The following PRSS48 variants were observed in gnomAD, a reference collection of about 807,000 sequenced individuals.
PRSS48 encodes serine protease 48.
PRSS48 carries 21 observed loss-of-function variants against 25.6 expected under a neutral mutation model. That is an observed-to-expected ratio of 0.82 (90% CI 0.58 to 1.18). PRSS48 has a LOEUF of 1.18. Ranked by LOEUF, PRSS48 falls within the 50% of genes most tolerant of loss-of-function variation. PRSS48 has a pLI of 0.00. For synonymous variants in PRSS48, 150 were observed against 149.3 expected (o/e 1.00, Z -0.04); for missense variants, 373 against 399.3 (o/e 0.93, Z 0.56).
chr4:151,289,090 T>C (rs1049165160), intron 4 of PRSS48, among the ~76,000 whole-genome samples: 2 of 152,250 alleles, frequency 1.3e-5, no homozygotes, highest in African/African-American at 2.4e-5. Flanking sequence ...CTTATATTTA[T>C]GGTCAATTAT....
chr4:151,280,934 A>G (rs908410756), intron 2 of PRSS48, among the ~76,000 whole-genome samples: 2 of 152,252 alleles, frequency 1.3e-5, no homozygotes, highest in Admixed American at 1.3e-4. Context: ...ACATTTTCAC[A>G]TACACAAAGC....
chr4:151,287,667 G>A (rs1774944305), intron 4 of PRSS48, among the ~76,000 whole-genome samples: 1 of 152,178 alleles, frequency 6.6e-6, no homozygotes. Context: ...GGCCAAGACG[G>A]GAGGATCACT....
At position 151,290,150 on chromosome 4, in the gene PRSS48, A is replaced by G. The variant is rs867529824; in HGVS notation, c.652-968A>G. On this transcript the variant is annotated intron_variant, in intron 4 of 4. Transcript: ENST00000455694. ...TGTTTTGAAGAGACAGGGTTCCACT[A>G]GGTTGCCCAGGTTGGTCTCAAATGC... is the stretch of plus-strand genomic sequence containing the variant. Among the ~76,000 whole-genome samples the G allele has an allele frequency of 3.9e-5, 6 of 152,306 alleles. No homozygotes were observed. The South Asian group carries it at 1.0e-3, about 26-fold the overall frequency.
At chr4:151,283,572 C>T (rs956823772) in intron 4 of PRSS48, among the ~76,000 whole-genome samples, 4 of 143,956 alleles carry the variant, frequency 2.8e-5, no homozygotes, top group African/African-American at 1.0e-4. Flanking sequence ...GGCTTGAGTA[C>T]AGTGGCATGA....
At chr4:151,285,991 T>C (rs146863944) in intron 4 of PRSS48, among the ~76,000 whole-genome samples, 40 of 148,968 alleles carry the variant, frequency 2.7e-4, no homozygotes, top group Middle Eastern at 3.4e-3. Flanking sequence ...AGCCCAGGAG[T>C]TCGAGACCAG....
chr4:151,283,452 G>A (rs2407168), intron 4 of PRSS48, among the ~76,000 whole-genome samples, 166 bp downstream of exon 4: 131,557 of 151,072 alleles, frequency 0.87, 58,134 homozygotes, highest in Non-Finnish European at 0.96. Context: ...TGTGAAATCA[G>A]TTTCTTCAAC....
intron 4 of PRSS48, among the ~76,000 whole-genome samples, chr4:151,285,179 G>A (rs2150012089): frequency 6.6e-6 from 1 of 152,288 alleles, no homozygotes; most frequent in Non-Finnish European, 1.5e-5. Context: ...ACTGCCTTCA[G>A]AGAGTAGCCT....
intron 4 of PRSS48, among the ~76,000 whole-genome samples, chr4:151,289,653 A>C (rs2150017440): frequency 6.6e-6 from 1 of 152,356 alleles, no homozygotes; most frequent in Admixed American, 6.5e-5. Flanking sequence ...TGTTGGTGGT[A>C]ATATAAAATG....
rs894997010 is a variant in PRSS48 at position 151,282,081 on chromosome 4, T to A, written c.216-67T>A. On this transcript the variant is annotated intron_variant, in intron 2 of 4. Coordinates refer to ENST00000455694, the Ensembl canonical transcript of PRSS48. ...CCTTTCTTGAGTAGAGACTTAGTGC[T>A]ACATATAGGCAGCCTGTTCTGACCC... 4 of 1,542,046 alleles carry A rather than the reference T, an allele frequency of 2.6e-6. No homozygotes were observed. The East Asian group carries it at 9.0e-5, about 35-fold the overall frequency.
At chr4:151,279,675 A>G in intron 1 of PRSS48, 121 bp from the exon 2 acceptor site, 1 of 851,722 alleles carries the variant, frequency 1.2e-6, no homozygotes, top group Non-Finnish European at 1.8e-6. Flanking sequence ...AGGATGGAGT[A>G]TGGTGTCTAG....
intron 1 of PRSS48, among the ~76,000 whole-genome samples, chr4:151,277,774 C>T (rs1350874339): frequency 6.6e-6 from 1 of 152,340 alleles, no homozygotes; most frequent in East Asian, 1.9e-4. Flanking sequence ...GGCACAGCAG[C>T]TCACGCCTGT....
intron 4 of PRSS48, among the ~76,000 whole-genome samples, chr4:151,284,981 C>T (rs1470842102): frequency 3.3e-5 from 5 of 152,142 alleles, no homozygotes; most frequent in Admixed American, 3.3e-4. Flanking sequence ...TTTCCAACTG[C>T]TAAGGTAGCT....
chr4:151,283,147 C>G (rs376656846), exon 4 of PRSS48: 1 of 1,613,846 alleles, frequency 6.2e-7, no homozygotes, highest in Non-Finnish European at 8.5e-7. Context: ...CTTCAGGAAG[C>G]AGAAGTACCC....
At chr4:151,281,834 G>C (rs1774264562) in intron 2 of PRSS48, among the ~76,000 whole-genome samples, 1 of 152,100 alleles carries the variant, frequency 6.6e-6, no homozygotes, top group African/African-American at 2.4e-5. Context: ...AAACAGCAAT[G>C]TCTATTAAGC....
intron 1 of PRSS48, among the ~76,000 whole-genome samples, chr4:151,278,858 C>A (rs570024512): frequency 6.6e-6 from 1 of 152,294 alleles, no homozygotes; most frequent in East Asian, 1.9e-4. Context: ...GTTTTGAACT[C>A]CTGGACTTGA....
At chr4:151,281,319 A>T (rs977312769) in intron 2 of PRSS48, among the ~76,000 whole-genome samples, 2 of 152,206 alleles carry the variant, frequency 1.3e-5, no homozygotes, top group African/African-American at 4.8e-5. Context: ...GGAGAAGCAA[A>T]ACGTTTTATA....
At chr4:151,290,180 C>G (rs1775187144) in intron 4 of PRSS48, among the ~76,000 whole-genome samples, 1 of 152,150 alleles carries the variant, frequency 6.6e-6, no homozygotes, top group South Asian at 2.1e-4. Context: ...AAATGCCTGG[C>G]CTGATCCTCC....
At chr4:151,279,806 A>G (rs1329920724) in exon 2 of PRSS48, 1 of 1,613,782 alleles carries the variant, frequency 6.2e-7, no homozygotes. Flanking sequence ...TGTGTGGGCA[A>G]CCTGTATACT....
chr4:151,286,558 C>A (rs1386902026), intron 4 of PRSS48, among the ~76,000 whole-genome samples: 2 of 148,612 alleles, frequency 1.3e-5, no homozygotes, highest in Admixed American at 6.7e-5. Flanking sequence ...AATAGATGGT[C>A]TGAATAAACC....
Sources: allele counts gnomAD v4.1 joint callset (sites outside exome capture counted in the v4.1 genomes callset), GRCh38; gene constraint gnomAD v4.1.1; transcripts MANE v1.5; gene names NCBI Gene and HGNC (gene_info 2026-07-23, HGNC 2026-07-21).